Variants in MYO1D observed in about 807,000 individuals in gnomAD.
MYO1D encodes the protein myosin ID.
A neutral mutation model predicts 122.0 loss-of-function variants in MYO1D; 83 were observed. The ratio of observed to expected loss-of-function variants is 0.68; its 90% CI spans 0.57 to 0.82. The LOEUF (loss-of-function observed/expected upper bound fraction) is 0.82. Ranked by LOEUF, MYO1D falls within the 40% of genes least tolerant of loss-of-function variation. The pLI is 0.00. For missense variants in MYO1D, 1,157 were observed against 1,269.5 expected (o/e 0.91, Z 1.35); for synonymous variants, 464 against 446.9 (o/e 1.04, Z -0.48).
At chr17:32,638,453 G>A (rs1290648723) in intron 20 of MYO1D, among the ~76,000 whole-genome samples, 1 of 152,194 alleles carries the variant, frequency 6.6e-6, no homozygotes, top group Non-Finnish European at 1.5e-5. Flanking sequence ...TTATACGCCA[G>A]TGCATTTAAA....
intron 21 of MYO1D, among the ~76,000 whole-genome samples, chr17:32,496,695 T>C (rs1411851242): frequency 1.3e-5 from 2 of 152,072 alleles, no homozygotes; most frequent in Admixed American, 6.5e-5. Context: ...TCCCTCTCAC[T>C]GGACTCTTGT....
chr17:32,649,560 T>C (rs960467236), intron 19 of MYO1D, among the ~76,000 whole-genome samples: 6 of 141,586 alleles, frequency 4.2e-5, no homozygotes, highest in African/African-American at 1.0e-4. Context: ...CCACATTTTC[T>C]TTCTTTCTTT....
At position 32,619,883 on chromosome 17, in the gene MYO1D, C is replaced by T. The variant is rs530617272; in HGVS notation, c.2710-14642G>A. On this transcript the variant is annotated intron_variant, in intron 20 of 21. Coordinates refer to ENST00000318217, the MANE Select transcript of MYO1D (RefSeq NM_015194.3). ...TTATTTTCCTTATCCTATTCTGAGT[C>T]GGTGTGCAATAACAACTATTTTAGA... Among the ~76,000 whole-genome samples, 6 of 152,250 alleles carry T rather than the reference C, an allele frequency of 3.9e-5. No homozygotes were observed. The South Asian group carries it at 6.2e-4, about 16-fold the overall frequency.
chr17:32,521,166 C>A (rs1241396867), intron 21 of MYO1D, among the ~76,000 whole-genome samples: 1 of 152,200 alleles, frequency 6.6e-6, no homozygotes, highest in African/African-American at 2.4e-5. Flanking sequence ...GGCCAGCAGG[C>A]TGTCTACTGA....
intron 21 of MYO1D, among the ~76,000 whole-genome samples, chr17:32,570,685 C>T (rs1342851185): frequency 6.6e-6 from 1 of 152,138 alleles, no homozygotes; most frequent in Admixed American, 6.5e-5. Context: ...TTCTAACAAA[C>T]ATTCTTCATG....
intron 21 of MYO1D, among the ~76,000 whole-genome samples, chr17:32,506,202 C>T: frequency 6.6e-6 from 1 of 152,296 alleles, no homozygotes; most frequent in Middle Eastern, 3.4e-3. Context: ...GCATGAGGTA[C>T]AATGAGGAGC....
chr17:32,824,353 G>T (rs1422144220), intron 1 of MYO1D, among the ~76,000 whole-genome samples: 1 of 152,182 alleles, frequency 6.6e-6, no homozygotes, highest in African/African-American at 2.4e-5. Context: ...AACTCGAAAA[G>T]TTGGCTTTAA....
At chr17:32,558,919 T>C (rs149578758) in intron 21 of MYO1D, among the ~76,000 whole-genome samples, 238 of 152,302 alleles carry the variant, frequency 1.6e-3, no homozygotes, top group African/African-American at 5.6e-3. Flanking sequence ...TCTCCAGCTA[T>C]AAATGGCAGT....
intron 21 of MYO1D, among the ~76,000 whole-genome samples, chr17:32,521,314 A>T (rs1910130179): frequency 6.6e-6 from 1 of 152,132 alleles, no homozygotes; most frequent in Non-Finnish European, 1.5e-5. Flanking sequence ...AGGCTCAAAA[A>T]ACGCATATTG....
intron 1 of MYO1D, among the ~76,000 whole-genome samples, chr17:32,858,553 C>T (rs560985702): frequency 6.6e-6 from 1 of 152,154 alleles, no homozygotes; most frequent in African/African-American, 2.4e-5. Context: ...TCAGGTTATG[C>T]ATCTTTAGCA....
chr17:32,753,823 G>C (rs139909653), intron 11 of MYO1D, among the ~76,000 whole-genome samples: 1 of 151,916 alleles, frequency 6.6e-6, no homozygotes, highest in Non-Finnish European at 1.5e-5. Context: ...GCTTGAACTC[G>C]GGAGGCGGAG....
At chr17:32,694,099 G>A (rs2089139863) in intron 16 of MYO1D, among the ~76,000 whole-genome samples, 1 of 152,060 alleles carries the variant, frequency 6.6e-6, no homozygotes, top group Non-Finnish European at 1.5e-5. Context: ...TATATGTAGG[G>A]GTAAGTCTTC....
chr17:32,736,804 G>A (rs1194796603), intron 14 of MYO1D, among the ~76,000 whole-genome samples: 1 of 152,170 alleles, frequency 6.6e-6, no homozygotes, highest in African/African-American at 2.4e-5. Context: ...TGTGTCCTGT[G>A]TCTTCCTTCC....
chr17:32,670,949 T>C (rs1049066638), intron 16 of MYO1D, among the ~76,000 whole-genome samples: 2 of 152,210 alleles, frequency 1.3e-5, no homozygotes, highest in African/African-American at 4.8e-5. Flanking sequence ...TCAGAAAGGC[T>C]GTAACACTGA....
intron 21 of MYO1D, among the ~76,000 whole-genome samples, chr17:32,546,341 A>C (rs2086964620): frequency 6.6e-6 from 1 of 152,226 alleles, no homozygotes; most frequent in South Asian, 2.1e-4. Flanking sequence ...CATGGAAACC[A>C]TCCCTCTGCG....
At chr17:32,719,495 C>A (rs954613439) in intron 15 of MYO1D, among the ~76,000 whole-genome samples, 1 of 152,010 alleles carries the variant, frequency 6.6e-6, no homozygotes, top group African/African-American at 2.4e-5. Context: ...GGACTACAGG[C>A]GCCCGCCACC....
At chr17:32,773,828 G>A (rs897062353) in intron 4 of MYO1D, among the ~76,000 whole-genome samples, 2 of 152,148 alleles carry the variant, frequency 1.3e-5, no homozygotes, top group Non-Finnish European at 2.9e-5. Context: ...ATGGGCAAAT[G>A]ATCTGAGATG....
At chr17:32,630,912 T>C (rs763489193) in intron 20 of MYO1D, among the ~76,000 whole-genome samples, 1 of 152,190 alleles carries the variant, frequency 6.6e-6, no homozygotes, top group Admixed American at 6.5e-5. Flanking sequence ...CCTTGCCTTG[T>C]AGATGGCTGT....
At chr17:32,597,820 G>T (rs1025884206) in intron 21 of MYO1D, among the ~76,000 whole-genome samples, 2 of 130,982 alleles carry the variant, frequency 1.5e-5, no homozygotes, top group African/African-American at 5.8e-5. Flanking sequence ...AGTGAGCCAA[G>T]ATTGTGCCAC....
Sources: allele counts gnomAD v4.1 joint callset (sites outside exome capture counted in the v4.1 genomes callset), GRCh38; gene constraint gnomAD v4.1.1; transcripts MANE v1.5; gene names NCBI Gene and HGNC (gene_info 2026-07-23, HGNC 2026-07-21).